The following CDH10 variants were observed in gnomAD, a reference collection of about 807,000 sequenced individuals.
CDH10 encodes the protein cadherin-10.
A neutral mutation model predicts 73.1 loss-of-function variants in CDH10; 30 were observed. The ratio of observed to expected loss-of-function variants is 0.41; its 90% CI spans 0.31 to 0.56. The LOEUF is 0.56. Among genes scored for constraint, CDH10 ranks in the 20% least tolerant of loss-of-function variants. CDH10 has a pLI of 0.27. For synonymous variants in CDH10, 345 were observed against 348.2 expected, an observed-to-expected ratio of 0.99 and a Z score of 0.10; for missense variants, 815 against 973.7, an observed-to-expected ratio of 0.84 and a Z score of 2.17.
At chr5:24,532,110 A>G (rs907157081) in intron 5 of CDH10, among the ~76,000 whole-genome samples, 4 of 152,116 alleles carry the variant, frequency 2.6e-5, no homozygotes, top group Non-Finnish European at 5.9e-5. Context: ...AAATGAAAAA[A>G]TAAAGCAAGA....
intron 5 of CDH10, among the ~76,000 whole-genome samples, chr5:24,512,825 C>T (rs560795535): frequency 7.2e-4 from 110 of 152,238 alleles, no homozygotes; most frequent in African/African-American, 2.6e-3. Context: ...CCTTAATATA[C>T]ATAATAAAGT....
chr5:24,507,327 A>G (rs1452520476), intron 7 of CDH10, among the ~76,000 whole-genome samples: 1 of 151,448 alleles, frequency 6.6e-6, no homozygotes, highest in African/African-American at 2.4e-5. Flanking sequence ...TAAGCAAGGG[A>G]GCTATTATTT....
At chr5:24,546,944 G>C (rs777390029) in intron 2 of CDH10, among the ~76,000 whole-genome samples, 2 of 152,136 alleles carry the variant, frequency 1.3e-5, no homozygotes, top group African/African-American at 4.8e-5. Flanking sequence ...AAGTGAAAGA[G>C]AGCCAGAAGT....
intron 2 of CDH10, among the ~76,000 whole-genome samples, chr5:24,549,513 T>A (rs890229048): frequency 6.7e-6 from 1 of 149,658 alleles, no homozygotes; most frequent in African/African-American, 2.4e-5. Flanking sequence ...AGTTCGTGTT[T>A]CAGTAAAAAT....
chr5:24,535,377 T>C, intron 4 of CDH10, 98 bp from the exon 5 acceptor site: 1 of 1,127,204 alleles, frequency 8.9e-7, no homozygotes, highest in Non-Finnish European at 1.3e-6. Context: ...GTGATTTTTT[T>C]GAAAGATACG....
At chr5:24,545,120 A>G (rs986190850) in intron 2 of CDH10, among the ~76,000 whole-genome samples, 6 of 152,254 alleles carry the variant, frequency 3.9e-5, no homozygotes, top group South Asian at 4.1e-4. Context: ...TGAGAAAATG[A>G]TTTAGAGAAA....
chr5:24,545,411 G>A (rs1468687623), intron 2 of CDH10, among the ~76,000 whole-genome samples: 3 of 152,164 alleles, frequency 2.0e-5, no homozygotes. Flanking sequence ...TAACTTCTTT[G>A]CTATGAGCTA....
intron 2 of CDH10, among the ~76,000 whole-genome samples, chr5:24,591,191 T>C (rs1047705507): frequency 7.9e-5 from 12 of 152,176 alleles, no homozygotes; most frequent in Admixed American, 6.6e-4. Context: ...AAGTAATTAA[T>C]GTAATACAAA....
chr5:24,623,192 C>T (rs989953767), intron 1 of CDH10, among the ~76,000 whole-genome samples: 1 of 152,174 alleles, frequency 6.6e-6, no homozygotes. Context: ...AGTTCCAAGC[C>T]AGCAGTCCTG....
intron 5 of CDH10, among the ~76,000 whole-genome samples, chr5:24,521,201 C>T (rs1471307380): frequency 6.6e-6 from 1 of 152,160 alleles, no homozygotes; most frequent in Non-Finnish European, 1.5e-5. Context: ...ATGTTGGAGT[C>T]ATCAGATGCA....
intron 7 of CDH10, 67 bp from the exon 8 acceptor site, chr5:24,505,315 A>T: frequency 1.6e-6 from 2 of 1,219,664 alleles, no homozygotes; most frequent in Non-Finnish European, 2.4e-6. Flanking sequence ...AAAATAGTGA[A>T]ATGCAAACCC....
chr5:24,546,769 C>G (rs951496850), intron 2 of CDH10, among the ~76,000 whole-genome samples: 2 of 151,882 alleles, frequency 1.3e-5, no homozygotes, highest in Non-Finnish European at 2.9e-5. Context: ...AAATAAGAAC[C>G]AAGTTTTCTA....
chr5:24,524,935 T>C lies in CDH10; in HGVS notation c.814+10177A>G, dbSNP rs1743471282. 2.6e-5 allele frequency among the ~76,000 whole-genome samples: 4 copies of C among 152,244 alleles called. No homozygotes were observed. In the South Asian group the frequency reaches 8.3e-4, roughly 32 times the overall value. ...ATGGTTTTTCACTATTTGAGGCTGA[T>C]ATTCCTGTTCACTTCTTCTACCAAA... On this transcript the variant is annotated intron_variant, in intron 5 of 11. Coordinates refer to ENST00000264463, the MANE Select transcript of CDH10 (RefSeq NM_006727.5).
chr5:24,507,754 T>C (rs979309292), intron 7 of CDH10, among the ~76,000 whole-genome samples: 2 of 152,024 alleles, frequency 1.3e-5, no homozygotes, highest in Non-Finnish European at 2.9e-5. Flanking sequence ...TATATAAAAC[T>C]TTCAAAGGAA....
intron 2 of CDH10, among the ~76,000 whole-genome samples, chr5:24,557,380 A>G (rs569938473): frequency 6.6e-6 from 1 of 151,682 alleles, no homozygotes; most frequent in East Asian, 1.9e-4. Context: ...AATCATTATT[A>G]TTTCCCATTA....
At chr5:24,623,068 C>G (rs1561201372) in intron 1 of CDH10, among the ~76,000 whole-genome samples, 1 of 152,008 alleles carries the variant, frequency 6.6e-6, no homozygotes, top group South Asian at 2.1e-4. Context: ...AATGCTATGC[C>G]TCCGCCAGAA....
At chr5:24,521,065 A>G (rs1365025389) in intron 5 of CDH10, among the ~76,000 whole-genome samples, 1 of 152,160 alleles carries the variant, frequency 6.6e-6, no homozygotes, top group Non-Finnish European at 1.5e-5. Context: ...ACTCAACAGA[A>G]GCAAACACAG....
chr5:24,629,849 T>C (rs1411862078), intron 1 of CDH10, among the ~76,000 whole-genome samples: 1 of 152,142 alleles, frequency 6.6e-6, no homozygotes, highest in African/African-American at 2.4e-5. Context: ...AATTACCCAG[T>C]CATGGGCAGT....
At chr5:24,608,532 C>T (rs1356437725) in intron 1 of CDH10, among the ~76,000 whole-genome samples, 3 of 152,090 alleles carry the variant, frequency 2.0e-5, no homozygotes, top group Admixed American at 6.5e-5. Flanking sequence ...ACCTCATGAT[C>T]CGCCCGTCTC....
Sources: allele counts gnomAD v4.1 joint callset (sites outside exome capture counted in the v4.1 genomes callset), GRCh38; gene constraint gnomAD v4.1.1; transcripts MANE v1.5; gene names NCBI Gene and HGNC (gene_info 2026-07-23, HGNC 2026-07-21).